POU6F2: variants seen among roughly 807,000 people sequenced by gnomAD.
The protein encoded by POU6F2 is POU domain, class 6, transcription factor 2.
Under a neutral mutation model 71.3 loss-of-function variants are expected in POU6F2, and 31 were observed. The observed-to-expected ratio is 0.43, with a 90% confidence interval of 0.33 to 0.59. The LOEUF (loss-of-function observed/expected upper bound fraction) is 0.59, where lower values mean the gene tolerates loss of function less well. POU6F2 is among the 20% of genes least tolerant of loss of function. The pLI, the probability that POU6F2 is intolerant of heterozygous loss-of-function variation, is 0.04. For synonymous variants in POU6F2, 347 were observed against 355.7 expected (o/e 0.98, Z 0.27); for missense variants, 783 against 856.8 (o/e 0.91, Z 1.07).
intron 2 of POU6F2, among the ~76,000 whole-genome samples, chr7:39,170,296 C>T (rs1793194311): frequency 6.6e-6 from 1 of 152,158 alleles, no homozygotes; most frequent in African/African-American, 2.4e-5. Context: ...CATATTCTTA[C>T]ATTTTGTCTT....
At chr7:39,168,909 C>T (rs559423309) in intron 2 of POU6F2, among the ~76,000 whole-genome samples, 5 of 152,272 alleles carry the variant, frequency 3.3e-5, no homozygotes, top group African/African-American at 1.2e-4. Flanking sequence ...CCCATGTGGC[C>T]AGATTGATCC....
In POU6F2 at chr7:39,208,070, T is replaced by G. The variant is rs867268786; in HGVS notation, c.598+450T>G. ...TTATTTGGAATAATTTATTAATGAT[T>G]ATTTTGCTCTACAAAGTATGTTTTA... is the stretch of plus-strand genomic sequence containing the variant. On this transcript the variant is annotated intron_variant, in intron 4 of 9. Transcript: ENST00000518318. Among the ~76,000 whole-genome samples, 6 of 152,372 alleles carry G rather than the reference T, an allele frequency of 3.9e-5. No homozygotes were observed. The South Asian group carries it at 8.3e-4, about 21-fold the overall frequency.
At chr7:39,303,755 T>C (rs1784999345) in intron 4 of POU6F2, among the ~76,000 whole-genome samples, 1 of 152,080 alleles carries the variant, frequency 6.6e-6, no homozygotes, top group Non-Finnish European at 1.5e-5. Context: ...AATCTATATA[T>C]TTATAGGAAA....
chr7:39,228,682 C>A (rs956468913), intron 4 of POU6F2, among the ~76,000 whole-genome samples: 1 of 152,160 alleles, frequency 6.6e-6, no homozygotes, highest in African/African-American at 2.4e-5. Context: ...CCATCTGAAA[C>A]AATATACTGG....
intron 6 of POU6F2, 139 bp from the exon 7 acceptor site, chr7:39,432,938 C>T (rs944121451): frequency 2.5e-5 from 18 of 734,476 alleles, no homozygotes; most frequent in Non-Finnish European, 3.3e-5. Flanking sequence ...TCTTCCACCA[C>T]ACCCCCCTCC....
chr7:39,014,945 A>G (rs1385295300), intron 1 of POU6F2, among the ~76,000 whole-genome samples: 1 of 152,096 alleles, frequency 6.6e-6, no homozygotes, highest in Non-Finnish European at 1.5e-5. Context: ...TGACTCCTCT[A>G]TTAGTTGGAG....
intron 4 of POU6F2, among the ~76,000 whole-genome samples, chr7:39,324,123 A>G (rs79140828): frequency 1.4e-5 from 2 of 146,784 alleles, no homozygotes; most frequent in Non-Finnish European, 1.5e-5. Flanking sequence ...AAAAAAAAGA[A>G]AAAAAAAAGG....
intron 4 of POU6F2, among the ~76,000 whole-genome samples, chr7:39,308,201 A>G (rs549037984): frequency 6.6e-6 from 1 of 152,342 alleles, no homozygotes; most frequent in African/African-American, 2.4e-5. Context: ...CTCAGTCTTG[A>G]CAACCATTGC....
In POU6F2 at chr7:39,465,396, A is replaced by G. The variant is rs1349393897; in HGVS notation, c.*710A>G. Reference sequence around the variant, plus strand: ...TTGTTGAAGCCATTCTGTGAGGCTCACTATTGGGTTTTTTTGTGGGGGTGG... The same window carrying G: ...TTGTTGAAGCCATTCTGTGAGGCTCGCTATTGGGTTTTTTTGTGGGGGTGG... On this transcript the variant is annotated 3_prime_UTR_variant, in exon 10 of 10. Transcript: ENST00000518318. 6.6e-6 allele frequency: 1 copy of G among 152,072 alleles called. No individual in the cohort carries two copies. Among genetic ancestry groups the G allele is most frequent in the Admixed American group, 6.5e-5 (1 of 15,270 alleles). The allele number at this position is 152,072 out of a possible 1,614,324, so 9.4% of individuals were successfully genotyped here.
chr7:39,363,193 G>A (rs1449155624), intron 5 of POU6F2, among the ~76,000 whole-genome samples: 1 of 152,168 alleles, frequency 6.6e-6, no homozygotes, highest in Non-Finnish European at 1.5e-5. Flanking sequence ...GAAGTAATCA[G>A]ACTCTGAATA....
chr7:39,354,386 C>G (rs927750469), intron 5 of POU6F2, among the ~76,000 whole-genome samples: 4 of 152,124 alleles, frequency 2.6e-5, no homozygotes, highest in African/African-American at 9.7e-5. Context: ...TAGGAAAAAA[C>G]CTTTAGAAAA....
Position 39,040,112 on chromosome 7 carries a change from A to G in POU6F2, c.106-45748A>G. Among the ~76,000 whole-genome samples the G allele has an allele frequency of 2.3e-3, 3 of 1,292 alleles. 1 individual carries two copies. Among genetic ancestry groups the G allele is most frequent in the Admixed American group, 0.021 (2 of 96 alleles). The allele number at this position is 1,292 out of a possible 152,430, so 0.8% of individuals were successfully genotyped here. A position where few individuals can be genotyped will look rare whatever the true frequency, so the allele number is the denominator to read the frequency against. ...TGTATTATATATATGTATATATTATATACATTTATATATATATATATATAA... is the reference window on the plus strand; with the variant it reads ...TGTATTATATATATGTATATATTATGTACATTTATATATATATATATATAA... On this transcript the variant is annotated intron_variant, in intron 1 of 9. Transcript: ENST00000518318.
chr7:39,006,627 C>T lies in POU6F2; in HGVS notation c.105+28569C>T, dbSNP rs536167840. On this transcript the variant is annotated intron_variant, in intron 1 of 9. Coordinates refer to ENST00000518318, the MANE Select transcript of POU6F2 (RefSeq NM_001370959.1). ...ATGTAGCTCCACGGAAGATCTGTGG[C>T]TAAGTCAGAGTCAGAACCTAGTTGT... The T allele has an allele frequency of 5.6e-6, 3 of 531,498 alleles. No individual in the cohort carries two copies. The African/African-American group carries it at 5.7e-5, about 10-fold the overall frequency. The allele number at this position is 531,498 out of a possible 1,614,324, so 32.9% of individuals were successfully genotyped here. A position where few individuals can be genotyped will look rare whatever the true frequency, so the allele number is the denominator to read the frequency against.
In POU6F2 at chr7:39,415,525, TC is replaced by T. The variant is rs1294704793; in HGVS notation, c.1113+8788del. On this transcript the variant is annotated intron_variant, in intron 6 of 9. Coordinates refer to ENST00000518318, the MANE Select transcript of POU6F2 (RefSeq NM_001370959.1). Reference sequence around the variant, plus strand: ...TAACAAGATGCCATTTACAAACAGCTCCCTCAGAGCTAGTCTGACATATTAG... The same window carrying T: ...TAACAAGATGCCATTTACAAACAGCTCCTCAGAGCTAGTCTGACATATTAG... 3.9e-5 allele frequency among the ~76,000 whole-genome samples: 6 copies of T among 152,288 alleles called. No individual in the cohort carries two copies. The South Asian group carries it at 8.3e-4, about 21-fold the overall frequency.
chr7:39,130,139 AAG>A (rs199610358), intron 2 of POU6F2, among the ~76,000 whole-genome samples: 16,456 of 115,582 alleles, frequency 0.14, 1,002 homozygotes, highest in East Asian at 0.23. Flanking sequence ...AAAGTAAAGA[AAG>A]GGGTAGGTGT....
At chr7:39,437,149 G>T (rs561662743) in intron 7 of POU6F2, among the ~76,000 whole-genome samples, 1 of 152,288 alleles carries the variant, frequency 6.6e-6, no homozygotes, top group South Asian at 2.1e-4. Flanking sequence ...ATTAGTTAAG[G>T]AGGAGTCCCT....
intron 1 of POU6F2, among the ~76,000 whole-genome samples, chr7:39,085,506 A>G (rs1791219245): frequency 6.6e-6 from 1 of 152,056 alleles, no homozygotes; most frequent in South Asian, 2.1e-4. Context: ...AGACAGAACA[A>G]GGTGTAAAAA....
chr7:39,005,703 C>T (rs1789046257), intron 1 of POU6F2, among the ~76,000 whole-genome samples: 1 of 151,960 alleles, frequency 6.6e-6, no homozygotes, highest in African/African-American at 2.4e-5. Flanking sequence ...GAATGGACTA[C>T]TGTCTGGTTT....
intron 1 of POU6F2, among the ~76,000 whole-genome samples, chr7:39,066,245 T>C (rs533865067): frequency 6.6e-6 from 1 of 151,932 alleles, no homozygotes; most frequent in South Asian, 2.1e-4. Context: ...AAAGCTAATC[T>C]CTCTTAAACC....
Sources: allele counts gnomAD v4.1 joint callset (sites outside exome capture counted in the v4.1 genomes callset), GRCh38; gene constraint gnomAD v4.1.1; transcripts MANE v1.5; gene names NCBI Gene and HGNC (gene_info 2026-07-23, HGNC 2026-07-21).